The following LUZP2 variants were observed in gnomAD, a reference collection of about 807,000 sequenced individuals.
The protein encoded by LUZP2 is leucine zipper protein 2.
Under a neutral mutation model 51.6 loss-of-function variants are expected in LUZP2, and 52 were observed. The observed-to-expected ratio is 1.01, with a 90% CI of 0.81 to 1.27. LUZP2 has a LOEUF of 1.27. Among genes scored for constraint, LUZP2 ranks in the 50% most tolerant of loss-of-function variants. The pLI is 0.00. For missense variants in LUZP2, 436 were observed against 395.4 expected, an observed-to-expected ratio of 1.10 and a Z score of -0.87; for synonymous variants, 154 against 137.3, an observed-to-expected ratio of 1.12 and a Z score of -0.85.
intron 9 of LUZP2, among the ~76,000 whole-genome samples, chr11:25,039,675 TA>T (rs1857979726): frequency 6.6e-6 from 1 of 152,192 alleles, no homozygotes; most frequent in Non-Finnish European, 1.5e-5. Context: ...CTCCTGCAAC[TA>T]AGATCCTAGA....
chr11:25,070,316 A>G (rs1341873520), intron 10 of LUZP2, among the ~76,000 whole-genome samples: 1 of 151,984 alleles, frequency 6.6e-6, no homozygotes, highest in Non-Finnish European at 1.5e-5. Context: ...TCTAGGGTCC[A>G]CCTTCAAAAA....
intron 1 of LUZP2, among the ~76,000 whole-genome samples, chr11:24,678,354 A>C (rs1856633718): frequency 6.6e-6 from 1 of 152,216 alleles, no homozygotes; most frequent in Non-Finnish European, 1.5e-5. Flanking sequence ...ATTTCAATCC[A>C]AACCTTTCTG....
At chr11:25,014,933 T>A (rs956029041) in intron 9 of LUZP2, among the ~76,000 whole-genome samples, 1 of 152,110 alleles carries the variant, frequency 6.6e-6, no homozygotes, top group South Asian at 2.1e-4. Flanking sequence ...TTGTATAAGG[T>A]GTAAGGAAGG....
intron 8 of LUZP2, among the ~76,000 whole-genome samples, chr11:24,978,391 C>G (rs1020024197): frequency 2.6e-5 from 4 of 151,754 alleles, no homozygotes; most frequent in Admixed American, 6.6e-5. Flanking sequence ...CTTTCTCTGA[C>G]ATTCCTGTAC....
chr11:25,031,151 A>C (rs1021586920), intron 9 of LUZP2, among the ~76,000 whole-genome samples: 3 of 148,910 alleles, frequency 2.0e-5, no homozygotes, highest in Admixed American at 6.9e-5. Context: ...AGCTGGGACT[A>C]CAGGCACGTG....
At chr11:24,741,282 G>A (rs796131294) in intron 4 of LUZP2, among the ~76,000 whole-genome samples, 1 of 151,934 alleles carries the variant, frequency 6.6e-6, no homozygotes, top group African/African-American at 2.4e-5. Context: ...CATATTACCT[G>A]TCTGTCAGTG....
intron 5 of LUZP2, among the ~76,000 whole-genome samples, chr11:24,821,915 A>G (rs1850372292): frequency 6.6e-6 from 1 of 150,534 alleles, no homozygotes. Flanking sequence ...TTTATTAATA[A>G]TAGAAAAATA....
chr11:25,082,324 A>C lies in LUZP2; in HGVS notation c.*3666A>C, dbSNP rs1859477075. 1 of 152,632 alleles carries C rather than the reference A, an allele frequency of 6.6e-6. No individual in the cohort carries two copies. Among genetic ancestry groups the C allele is most frequent in the Admixed American group, 6.5e-5 (1 of 15,278 alleles). The allele number at this position is 152,632 out of a possible 1,614,324, so 9.5% of individuals were successfully genotyped here. A position where few individuals can be genotyped will look rare whatever the true frequency, so the allele number is the denominator to read the frequency against. On this transcript the variant is annotated 3_prime_UTR_variant, in exon 12 of 12. Transcript: ENST00000336930. Reference sequence around the variant, plus strand: ...ATGTGGATAACTGAACTAAAACGATATTTGTGAACTTTGCTATAATGAAAT... The same window carrying C: ...ATGTGGATAACTGAACTAAAACGATCTTTGTGAACTTTGCTATAATGAAAT...
At chr11:24,882,111 T>A (rs1243833725) in intron 5 of LUZP2, among the ~76,000 whole-genome samples, 1 of 152,022 alleles carries the variant, frequency 6.6e-6, no homozygotes, top group Non-Finnish European at 1.5e-5. Context: ...TTTGTAAAAA[T>A]ATTTTTATTA....
At chr11:24,659,969 C>T (rs1855963783) in intron 1 of LUZP2, among the ~76,000 whole-genome samples, 2 of 152,004 alleles carry the variant, frequency 1.3e-5, no homozygotes, top group South Asian at 4.1e-4. Flanking sequence ...GTAATTAGGT[C>T]CATAATCAGT....
At position 24,902,533 on chromosome 11, in the gene LUZP2, C is replaced by G. The variant is rs1443124820; in HGVS notation, c.397-3458C>G. Reference sequence around the variant, plus strand: ...TCTATGGAACATCTTTATCAAAACTCTAGCTTCACTAATGGTGTGGAATGT... The same window carrying G: ...TCTATGGAACATCTTTATCAAAACTGTAGCTTCACTAATGGTGTGGAATGT... On this transcript the variant is annotated intron_variant, in intron 5 of 11. Transcript: ENST00000336930. Among the ~76,000 whole-genome samples, 5 of 152,086 alleles carry G rather than the reference C, an allele frequency of 3.3e-5. No homozygotes were observed. The East Asian group carries it at 9.6e-4, about 29-fold the overall frequency.
chr11:24,577,235 A>G (rs2133814041), intron 1 of LUZP2, among the ~76,000 whole-genome samples: 1 of 152,174 alleles, frequency 6.6e-6, no homozygotes, highest in South Asian at 2.1e-4. Context: ...ATTTGTAAGT[A>G]CGAATTCTTA....
chr11:24,906,966 G>A (rs925437526), intron 6 of LUZP2, among the ~76,000 whole-genome samples: 2 of 152,134 alleles, frequency 1.3e-5, no homozygotes, highest in African/African-American at 2.4e-5. Context: ...GAAGTAAGGC[G>A]AAGAGTTTCT....
intron 5 of LUZP2, among the ~76,000 whole-genome samples, chr11:24,878,106 T>G (rs1379511006): frequency 6.6e-6 from 1 of 150,602 alleles, no homozygotes; most frequent in South Asian, 2.1e-4. Flanking sequence ...CTGTGTTTTT[T>G]TTTTTTTTTT....
At chr11:24,589,536 C>T (rs1378228126) in intron 1 of LUZP2, among the ~76,000 whole-genome samples, 1 of 152,174 alleles carries the variant, frequency 6.6e-6, no homozygotes, top group African/African-American at 2.4e-5. Flanking sequence ...ATTGCTAAGG[C>T]AGATTCTAGC....
intron 1 of LUZP2, among the ~76,000 whole-genome samples, chr11:24,585,818 A>G (rs1853044809): frequency 6.6e-6 from 1 of 152,176 alleles, no homozygotes; most frequent in South Asian, 2.1e-4. Context: ...TCTTACTCTT[A>G]CAAGGAATTA....
At chr11:24,701,124 A>G (rs980321984) in intron 1 of LUZP2, among the ~76,000 whole-genome samples, 7 of 152,220 alleles carry the variant, frequency 4.6e-5, no homozygotes, top group Non-Finnish European at 1.0e-4. Context: ...AACAGAGGTT[A>G]AATCCTGTTC....
At chr11:24,800,003 T>G (rs1849652760) in intron 5 of LUZP2, among the ~76,000 whole-genome samples, 1 of 152,164 alleles carries the variant, frequency 6.6e-6, no homozygotes. Flanking sequence ...TAAACATCGT[T>G]GGAAGTAAAG....
intron 5 of LUZP2, among the ~76,000 whole-genome samples, chr11:24,815,624 G>C (rs1850157564): frequency 6.6e-6 from 1 of 152,162 alleles, no homozygotes; most frequent in Admixed American, 6.5e-5. Flanking sequence ...TAAAGCAGTA[G>C]TATCTCTCTT....
Sources: allele counts gnomAD v4.1 joint callset (sites outside exome capture counted in the v4.1 genomes callset), GRCh38; gene constraint gnomAD v4.1.1; transcripts MANE v1.5; gene names NCBI Gene and HGNC (gene_info 2026-07-23, HGNC 2026-07-21).